The following ADGRB3 variants were observed in gnomAD, a reference collection of about 807,000 sequenced individuals.
ADGRB3 encodes the protein brain-specific angiogenesis inhibitor 3.
A neutral mutation model predicts 193.4 loss-of-function variants in ADGRB3; 37 were observed. The ratio of observed to expected loss-of-function variants is 0.19; its 90% confidence interval spans 0.15 to 0.25. The LOEUF (loss-of-function observed/expected upper bound fraction) is 0.25, where lower values mean the gene tolerates loss of function less well. Among genes scored for constraint, ADGRB3 ranks in the 10% least tolerant of loss-of-function variants. ADGRB3 has a pLI of 1.00. For synonymous variants in ADGRB3, 690 were observed against 644.2 expected, an observed-to-expected ratio of 1.07 and a Z score of -1.08; for missense variants, 1,637 against 1,852.9, an observed-to-expected ratio of 0.88 and a Z score of 2.14.
At chr6:68,854,268 A>C (rs185603594) in intron 3 of ADGRB3, among the ~76,000 whole-genome samples, 1 of 152,286 alleles carries the variant, frequency 6.6e-6, no homozygotes, top group Non-Finnish European at 1.5e-5. Flanking sequence ...TTGCAGGTTC[A>C]AGAGCTTGGC....
At chr6:68,884,034 A>G (rs940343380) in intron 3 of ADGRB3, among the ~76,000 whole-genome samples, 2 of 152,220 alleles carry the variant, frequency 1.3e-5, no homozygotes. Flanking sequence ...TGATTTGACT[A>G]GAATTCAGAG....
At chr6:69,125,542 A>C (rs551992733) in intron 17 of ADGRB3, among the ~76,000 whole-genome samples, 143 of 152,228 alleles carry the variant, frequency 9.4e-4, no homozygotes, top group African/African-American at 2.7e-3. Flanking sequence ...GTCTATGAAC[A>C]GCCCTTCCAC....
chr6:69,112,436 T>C (rs1360534471), intron 17 of ADGRB3, among the ~76,000 whole-genome samples: 3 of 152,296 alleles, frequency 2.0e-5, no homozygotes, highest in East Asian at 1.9e-4. Flanking sequence ...CTAGGGAATG[T>C]AGTCTCTGGC....
intron 20 of ADGRB3, among the ~76,000 whole-genome samples, chr6:69,271,555 G>C (rs946500482): frequency 6.6e-6 from 1 of 152,114 alleles, no homozygotes; most frequent in African/African-American, 2.4e-5. Flanking sequence ...AAATCAACCA[G>C]TAGGCATCCA....
chr6:69,168,616 G>C (rs1320550203), intron 17 of ADGRB3, among the ~76,000 whole-genome samples: 1 of 151,866 alleles, frequency 6.6e-6, no homozygotes, highest in African/African-American at 2.4e-5. Context: ...ACTGATTATG[G>C]CTTATAGTGG....
chr6:69,099,761 G>A (rs1218997368), intron 17 of ADGRB3, among the ~76,000 whole-genome samples: 1 of 152,130 alleles, frequency 6.6e-6, no homozygotes, highest in Non-Finnish European at 1.5e-5. Context: ...TCACTACAGT[G>A]TAATGCTATG....
chr6:69,096,655 A>C (rs1772887615), intron 17 of ADGRB3, among the ~76,000 whole-genome samples: 1 of 152,108 alleles, frequency 6.6e-6, no homozygotes, highest in African/African-American at 2.4e-5. Context: ...TCTTATCAAA[A>C]TCTGTTTCCA....
At chr6:69,265,737 T>C (rs1767026157) in intron 20 of ADGRB3, among the ~76,000 whole-genome samples, 1 of 152,016 alleles carries the variant, frequency 6.6e-6, no homozygotes, top group South Asian at 2.1e-4. Flanking sequence ...TGTTTCTATC[T>C]TTCTATTTCC....
In ADGRB3 at chr6:69,364,742, A is replaced by T. The variant is rs796288684; in HGVS notation, c.4239+3230A>T. Among the ~76,000 whole-genome samples, 1,452 of 152,226 alleles carry T rather than the reference A, an allele frequency of 9.5e-3. 23 individuals are homozygous for T. The highest frequency in any genetic ancestry group is 0.033 in the African/African-American group (1,387 of 41,560). On this transcript the variant is annotated intron_variant, in intron 29 of 31. Coordinates refer to ENST00000370598, the MANE Select transcript of ADGRB3 (RefSeq NM_001704.3). ...TAAATATCCTGTAACTGCTTTGCTT[A>T]AGGTTAAGAAGAATGATATTGTTGT...
At chr6:69,134,229 C>A (rs1284089703) in intron 17 of ADGRB3, among the ~76,000 whole-genome samples, 1 of 152,076 alleles carries the variant, frequency 6.6e-6, no homozygotes, top group South Asian at 2.1e-4. Context: ...TTCTTCCTCC[C>A]TTTTTAGTCA....
intron 20 of ADGRB3, among the ~76,000 whole-genome samples, chr6:69,278,694 G>A (rs1767354496): frequency 6.6e-6 from 1 of 152,082 alleles, no homozygotes; most frequent in Non-Finnish European, 1.5e-5. Flanking sequence ...GCAGTGTCCT[G>A]GTGAAGACCA....
chr6:69,106,829 A>C, intron 17 of ADGRB3, among the ~76,000 whole-genome samples: 1 of 152,244 alleles, frequency 6.6e-6, no homozygotes, highest in East Asian at 1.9e-4. Flanking sequence ...ACTGAAGGCA[A>C]ATCACAGCAG....
chr6:68,662,069 G>A (rs1369808209), intron 3 of ADGRB3, among the ~76,000 whole-genome samples: 1 of 151,464 alleles, frequency 6.6e-6, no homozygotes, highest in African/African-American at 2.4e-5. Flanking sequence ...AGGGGAGCTG[G>A]TTCAAGTCGA....
rs563705178 is a variant in ADGRB3, at chr6:68,869,430, AT to A, written c.758-61128del. On this transcript the variant is annotated intron_variant, in intron 3 of 31. Transcript: ENST00000370598. ...GGTTCAAATTTAGAGTGATAATTATATCTACAGAAGCTTAAATTTTCTGGAC... is the reference window on the plus strand; with the variant it reads ...GGTTCAAATTTAGAGTGATAATTATACTACAGAAGCTTAAATTTTCTGGAC... Among the ~76,000 whole-genome samples, 18 of 152,268 alleles carry A rather than the reference AT, an allele frequency of 1.2e-4. No individual in the cohort carries two copies. In the South Asian group the frequency reaches 3.1e-3, roughly 26 times the overall value.
chr6:68,937,388 G>T (rs887706688), intron 5 of ADGRB3, among the ~76,000 whole-genome samples: 2 of 152,168 alleles, frequency 1.3e-5, no homozygotes, highest in Non-Finnish European at 2.9e-5. Context: ...AGACTTTCAT[G>T]TAAAAATAAG....
intron 3 of ADGRB3, among the ~76,000 whole-genome samples, chr6:68,780,381 C>T (rs1344432325): frequency 6.6e-6 from 1 of 151,988 alleles, no homozygotes; most frequent in Non-Finnish European, 1.5e-5. Context: ...GTATGTTCAT[C>T]AGAGATGACT....
chr6:69,189,503 G>A (rs541367367), intron 17 of ADGRB3, among the ~76,000 whole-genome samples: 1 of 152,264 alleles, frequency 6.6e-6, no homozygotes, highest in African/African-American at 2.4e-5. Flanking sequence ...TGTTAAAAAT[G>A]TTTTGAAATT....
chr6:69,338,857 T>A (rs1381383262), intron 24 of ADGRB3, 59 bp from the exon 25 acceptor site: 34 of 1,494,086 alleles, frequency 2.3e-5, no homozygotes, highest in Non-Finnish European at 2.9e-5. Context: ...AAGCAGCAAT[T>A]TTTTTTTGGT....
At chr6:68,669,605 TGTG>T (rs1279928961) in intron 3 of ADGRB3, among the ~76,000 whole-genome samples, 12 of 11,624 alleles carry the variant, frequency 1.0e-3, no homozygotes, top group Non-Finnish European at 1.4e-3. Flanking sequence ...AATACTCCAT[TGTG>T]TGTGTGTGTG....
Sources: allele counts gnomAD v4.1 joint callset (sites outside exome capture counted in the v4.1 genomes callset), GRCh38; gene constraint gnomAD v4.1.1; transcripts MANE v1.5; gene names NCBI Gene and HGNC (gene_info 2026-07-23, HGNC 2026-07-21).